The following OR6C75 variants were observed in gnomAD, a reference collection of about 807,000 sequenced individuals.
OR6C75 encodes olfactory receptor 6C75.
For missense variants in OR6C75, 380 were observed against 368.0 expected, an observed-to-expected ratio of 1.03 and a Z score of -0.27; for synonymous variants, 149 against 130.6, an observed-to-expected ratio of 1.14 and a Z score of -0.96.
In OR6C75 at chr12:55,367,224, T is replaced by C. The variant is rs1411634316; in HGVS notation, c.*1175T>C. On this transcript the variant is annotated 3_prime_UTR_variant, in exon 3 of 3. Transcript: ENST00000641576. ...ATGTGTTCAAGCCCACTTCCTATAG[T>C]TAATGAGTCCCTCAACTCCCATGTA... The C allele has an allele frequency of 6.6e-6, 1 of 152,148 alleles. No individual in the cohort carries two copies. Among genetic ancestry groups the C allele is most frequent in the Non-Finnish European group, 1.5e-5 (1 of 68,002 alleles). 9.4% of individuals were successfully genotyped at this position (152,148 alleles called of 1,614,324 possible). A position where few individuals can be genotyped will look rare whatever the true frequency, so the allele number is the denominator to read the frequency against.
Position 55,367,036 on chromosome 12 carries a change from G to A in OR6C75, c.*987G>A, listed in dbSNP as rs1869820795. 6.6e-6 allele frequency: 1 copy of A among 152,030 alleles called. No homozygotes were observed. The highest frequency in any genetic ancestry group is 6.6e-5 in the Admixed American group (1 of 15,260). 9.4% of individuals were successfully genotyped at this position (152,030 alleles called of 1,614,324 possible). A position where few individuals can be genotyped will look rare whatever the true frequency, so the allele number is the denominator to read the frequency against. On this transcript the variant is annotated 3_prime_UTR_variant, in exon 3 of 3. Coordinates refer to ENST00000641576, the MANE Select transcript of OR6C75 (RefSeq NM_001005497.2). ...ATGGTGTGATACTGCCCTTTTATAA[G>A]GTATTCGGCGAATGATGACGTGGTT... is the stretch of plus-strand genomic sequence containing the variant.
rs140203391 is a variant in OR6C75, at chr12:55,365,771, C to T, written c.661C>T (p.Arg221Trp). Residue 221 changes from arginine (R) to tryptophan (W), a missense_variant, in exon 3 of 3, where the codon CGG becomes TGG. By Grantham distance (101) the Arg-to-Trp change is moderately radical. Coordinates refer to ENST00000641576, the MANE Select transcript of OR6C75 (RefSeq NM_001005497.2). Reference protein sequence around the residue: ...LVILSYTNIIRTILKIPSMSQ... With the variant: ...LVILSYTNIIWTILKIPSMSQ... ...TATTCTCTCCTACACAAACATCATCCGGACAATTCTGAAAATTCCTTCTAT... is the reference window on the plus strand; with the variant it reads ...TATTCTCTCCTACACAAACATCATCTGGACAATTCTGAAAATTCCTTCTAT... 2.4e-4 allele frequency: 383 copies of T among 1,613,972 alleles called. No homozygotes were observed. The highest frequency in any genetic ancestry group is 5.1e-4 in the East Asian group (23 of 44,870).
In OR6C75 at chr12:55,365,851, C is replaced by T. The variant is rs751810941; in HGVS notation, c.741C>T (p.Ser247=). The change falls in exon 3 of 3, where the codon TCC becomes TCT. Residue 247 remains serine (S), a synonymous_variant. Transcript: ENST00000641576. ...STCSSHMIVV[S]ISYSSCIFMY... ...GCTCCTCCCATATGATAGTTGTCTC[C>T]ATCTCTTACAGTAGCTGTATCTTCA... 3.7e-6 allele frequency: 6 copies of T among 1,613,808 alleles called. No individual in the cohort carries two copies. Among genetic ancestry groups the T allele is most frequent in the Non-Finnish European group, 4.2e-6 (5 of 1,179,970 alleles).
rs753341139 is a variant in OR6C75, at chr12:55,369,049, G to A, written c.*3000G>A. The A allele has an allele frequency of 1.3e-5, 2 of 151,850 alleles. No individual in the cohort carries two copies. The highest frequency in any genetic ancestry group is 4.8e-5 in the African/African-American group (2 of 41,378). 9.4% of individuals were successfully genotyped at this position (151,850 alleles called of 1,614,324 possible). ...AGCAGAAATGCAAAAGTGAAAATCA[G>A]GAGTGTGGAAACAACATGCAAACGT... On this transcript the variant is annotated 3_prime_UTR_variant, in exon 3 of 3. Transcript: ENST00000641576.
chr12:55,364,312 C>T (rs374799846), intron 2 of OR6C75, among the ~76,000 whole-genome samples: 9 of 17,128 alleles, frequency 5.3e-4, no homozygotes, highest in African/African-American at 7.2e-4. Flanking sequence ...GTTTCTTTTC[C>T]TTTTTTTTTT....
chr12:55,369,080 A>G lies in OR6C75; in HGVS notation c.*3031A>G, dbSNP rs902762013. 4 of 151,064 alleles carry G rather than the reference A, an allele frequency of 2.6e-5. No homozygotes were observed. The highest frequency in any genetic ancestry group is 9.7e-5 in the African/African-American group (4 of 41,190). 9.4% of individuals were successfully genotyped at this position (151,064 alleles called of 1,614,324 possible). A position where few individuals can be genotyped will look rare whatever the true frequency, so the allele number is the denominator to read the frequency against. ...TGGAAACAACATGCAAACGTTAACT[A>G]AGTGAAGATAAAGTATATATACATA... On this transcript the variant is annotated 3_prime_UTR_variant, in exon 3 of 3. Transcript: ENST00000641576.
chr12:55,363,774 TC>T lies in OR6C75; in HGVS notation c.-325-18del, dbSNP rs1177193973. 6.6e-6 allele frequency: 1 copy of T among 152,070 alleles called. No homozygotes were observed. The highest frequency in any genetic ancestry group is 1.5e-5 in the Non-Finnish European group (1 of 67,996). 9.4% of individuals were successfully genotyped at this position (152,070 alleles called of 1,614,324 possible). On this transcript the variant is annotated intron_variant, in intron 1 of 2. Transcript: ENST00000641576. Reference sequence around the variant, plus strand: ...TGCCTTAATCTCAGAAGTTTTAATTTCTTTTTTCTTGTTTTCAGGGAATATA... The same window carrying T: ...TGCCTTAATCTCAGAAGTTTTAATTTTTTTTTCTTGTTTTCAGGGAATATA...
rs1869814879 is a variant in OR6C75 at position 55,366,744 on chromosome 12, G to C, written c.*695G>C. On this transcript the variant is annotated 3_prime_UTR_variant, in exon 3 of 3. Coordinates refer to ENST00000641576, the MANE Select transcript of OR6C75 (RefSeq NM_001005497.2). ...ATATTATCTCTGTTGTTTGAATTAA[G>C]GCTGTATTACTTTTTGTCTTAGCTT... 6.6e-6 allele frequency: 1 copy of C among 152,046 alleles called. No individual in the cohort carries two copies. The highest frequency in any genetic ancestry group is 2.1e-4 in the South Asian group (1 of 4,828). The allele number at this position is 152,046 out of a possible 1,614,324, so 9.4% of individuals were successfully genotyped here. A position where few individuals can be genotyped will look rare whatever the true frequency, so the allele number is the denominator to read the frequency against.
rs1869757154 is a variant in OR6C75 at position 55,364,872 on chromosome 12, A to G, written c.-235-4A>G. The G allele has an allele frequency of 4.1e-6, 2 of 483,388 alleles. No homozygotes were observed. Among genetic ancestry groups the G allele is most frequent in the South Asian group, 2.9e-5 (1 of 34,802 alleles). The allele number at this position is 483,388 out of a possible 1,614,324, so 29.9% of individuals were successfully genotyped here. ...TATTGAATATATATATATGTATTAAATAGATAGATGCATCAGCGGATAGCT... is the reference window on the plus strand; with the variant it reads ...TATTGAATATATATATATGTATTAAGTAGATAGATGCATCAGCGGATAGCT... On this transcript the variant is annotated splice_polypyrimidine_tract_variant and splice_region_variant and intron_variant, in intron 2 of 2. Transcript: ENST00000641576.
intron 2 of OR6C75, among the ~76,000 whole-genome samples, chr12:55,364,256 G>C (rs557999877): frequency 6.9e-6 from 1 of 145,028 alleles, no homozygotes; most frequent in South Asian, 2.2e-4. Context: ...GGGATTACAG[G>C]CATGAGTCAT....
At position 55,365,424 on chromosome 12, in the gene OR6C75, TGGG is replaced by T. The variant is rs753950288; in HGVS notation, c.317_319del (p.Gly106del). 7 of 1,614,058 alleles carry T rather than the reference TGGG, an allele frequency of 4.3e-6. No homozygotes were observed. Among genetic ancestry groups the T allele is most frequent in the Non-Finnish European group, 5.1e-6 (6 of 1,179,980 alleles). On this transcript the variant is annotated inframe_deletion, in exon 3 of 3. Transcript: ENST00000641576. ...GCTCAGCTATTTTTTTTCATCTTCT[TGGG>T]GGTGACAGAATTTTACCTTCTGGCT... is the stretch of plus-strand genomic sequence containing the variant.
In OR6C75 at chr12:55,365,599, G is replaced by A. The variant is rs756546087; in HGVS notation, c.489G>A (p.Gln163=). ...TTCCACCAGTAATGCTTCTGCTGCA[G>A]TTGGATTTCTGTGCCTCCAATGTAA... The part of the protein sequence containing the change: ...IIFPPVMLLL[Q]LDFCASNVID... Residue 163 remains glutamine (Q), a synonymous_variant, in exon 3 of 3, where the codon CAG becomes CAA. Coordinates refer to ENST00000641576, the MANE Select transcript of OR6C75 (RefSeq NM_001005497.2). 1 of 1,613,886 alleles carries A rather than the reference G, an allele frequency of 6.2e-7. No individual in the cohort carries two copies. The highest frequency in any genetic ancestry group is 1.1e-5 in the South Asian group (1 of 91,076).
rs59247539 is a variant in OR6C75 at position 55,364,312 on chromosome 12, CTTTTTTTTTT to C, written c.-236+451_-236+460del. 3.1e-3 allele frequency among the ~76,000 whole-genome samples: 53 copies of C among 17,172 alleles called. 2 individuals carry two copies. The highest frequency in any genetic ancestry group is 9.2e-3 in the South Asian group (2 of 218). 11.3% of individuals were successfully genotyped at this position (17,172 alleles called of 152,430 possible). A position where few individuals can be genotyped will look rare whatever the true frequency, so the allele number is the denominator to read the frequency against. On this transcript the variant is annotated intron_variant, in intron 2 of 2. Coordinates refer to ENST00000641576, the MANE Select transcript of OR6C75 (RefSeq NM_001005497.2). Reference sequence around the variant, plus strand: ...TTTTTTTTACATTTAGTTTCTTTTCCTTTTTTTTTTTTTTTTTTTTTTTTTTTTTTGACAC... The same window carrying C: ...TTTTTTTTACATTTAGTTTCTTTTCCTTTTTTTTTTTTTTTTTTTTGACAC...
In OR6C75 at chr12:55,368,096, G is replaced by C. The variant is rs1016360856; in HGVS notation, c.*2047G>C. 1.3e-5 allele frequency: 2 copies of C among 152,182 alleles called. No individual in the cohort carries two copies. Among genetic ancestry groups the C allele is most frequent in the Non-Finnish European group, 2.9e-5 (2 of 68,106 alleles). The allele number at this position is 152,182 out of a possible 1,614,324, so 9.4% of individuals were successfully genotyped here. On this transcript the variant is annotated 3_prime_UTR_variant, in exon 3 of 3. Coordinates refer to ENST00000641576, the MANE Select transcript of OR6C75 (RefSeq NM_001005497.2). ...AGAAGATGAGGTGGGAGAATTGCTT[G>C]GACCTTGGAGGTTGAGGCTGCAGTG...
At chr12:55,364,311 C>CTTTTTTTTTTTTTT (rs1869738842) in intron 2 of OR6C75, among the ~76,000 whole-genome samples, 1 of 28,494 alleles carries the variant, frequency 3.5e-5, no homozygotes, top group Non-Finnish European at 1.1e-4. Flanking sequence ...AGTTTCTTTT[C>CTTTTTTTTTTTTTT]CTTTTTTTTT....
chr12:55,365,978 C>G lies in OR6C75; in HGVS notation c.868C>G (p.Leu290Val). 1 of 1,611,506 alleles carries G rather than the reference C, an allele frequency of 6.2e-7. No individual in the cohort carries two copies. Among genetic ancestry groups the G allele is most frequent in the Non-Finnish European group, 8.5e-7 (1 of 1,178,756 alleles). ...APLLNPFIYT[L>V]RNKQVKQAFK... Reference sequence around the variant, plus strand: ...TCTCTTGAATCCCTTCATATACACACTGAGAAATAAGCAAGTGAAGCAAGC... The same window carrying G: ...TCTCTTGAATCCCTTCATATACACAGTGAGAAATAAGCAAGTGAAGCAAGC... Residue 290 changes from leucine (L) to valine (V), a missense_variant, in exon 3 of 3, where the codon CTG becomes GTG. By Grantham distance (32) the Leu-to-Val change is conservative (BLOSUM62 1). Transcript: ENST00000641576.
At position 55,366,907 on chromosome 12, in the gene OR6C75, A is replaced by G. The variant is rs1869818040; in HGVS notation, c.*858A>G. On this transcript the variant is annotated 3_prime_UTR_variant, in exon 3 of 3. Coordinates refer to ENST00000641576, the MANE Select transcript of OR6C75 (RefSeq NM_001005497.2). ...CTGCCAATATTTTAAAAGAAAAACC[A>G]TGATCTATGAAGGCAATTCATATTT... 6.6e-6 allele frequency: 1 copy of G among 152,216 alleles called. No homozygotes were observed. Among genetic ancestry groups the G allele is most frequent in the Non-Finnish European group, 1.5e-5 (1 of 68,030 alleles). 9.4% of individuals were successfully genotyped at this position (152,216 alleles called of 1,614,324 possible).
rs59247539 is a variant in OR6C75 at position 55,364,312 on chromosome 12, C to CTTTTTTT, written c.-236+454_-236+460dup. ...TTTTTTTTACATTTAGTTTCTTTTC[C>CTTTTTTT]TTTTTTTTTTTTTTTTTTTTTTTTT... On this transcript the variant is annotated intron_variant, in intron 2 of 2. Transcript: ENST00000641576. Among the ~76,000 whole-genome samples the CTTTTTTT allele has an allele frequency of 1.2e-3, 20 of 17,174 alleles. 5 individuals are homozygous for CTTTTTTT. Among genetic ancestry groups the CTTTTTTT allele is most frequent in the Non-Finnish European group, 2.3e-3 (18 of 7,822 alleles). 11.3% of individuals were successfully genotyped at this position (17,174 alleles called of 152,430 possible). A position where few individuals can be genotyped will look rare whatever the true frequency, so the allele number is the denominator to read the frequency against.
Position 55,368,215 on chromosome 12 carries a change from C to T in OR6C75, c.*2166C>T, listed in dbSNP as rs143319412. 0.015 allele frequency: 2,261 copies of T among 152,426 alleles called. 24 individuals carry two copies. Among genetic ancestry groups the T allele is most frequent in the East Asian group, 0.033 (169 of 5,172 alleles). 9.4% of individuals were successfully genotyped at this position (152,426 alleles called of 1,614,324 possible). A position where few individuals can be genotyped will look rare whatever the true frequency, so the allele number is the denominator to read the frequency against. ...AAAGTTGTCCAAACATGGTGGCTCA[C>T]GCCTGTAATCCCAGCACTTTGAGAG... On this transcript the variant is annotated 3_prime_UTR_variant, in exon 3 of 3. Transcript: ENST00000641576.
Sources: gnomAD v4.1 joint callset for allele counts (sites outside exome capture counted in the v4.1 genomes callset) on GRCh38, gnomAD v4.1.1 for gene constraint, MANE v1.5 for transcripts, NCBI Gene and HGNC (gene_info 2026-07-23, HGNC 2026-07-21) for gene names.